Variants in PHF3 observed in about 807,000 individuals in gnomAD.
The protein encoded by PHF3 is PHD finger protein 3.
Under a neutral mutation model 178.4 loss-of-function variants are expected in PHF3, and 41 were observed. The ratio of observed to expected loss-of-function variants is 0.23; its 90% CI spans 0.18 to 0.30. PHF3 has a LOEUF of 0.30. Among genes scored for constraint, PHF3 ranks in the 10% least tolerant of loss-of-function variants. The probability of loss-of-function intolerance (pLI) is 1.00; values close to 1 mark genes in which losing one functional copy is unlikely to be tolerated. For missense variants in PHF3, 2,346 were observed against 2,398.1 expected (o/e 0.98, Z 0.45); for synonymous variants, 842 against 800.5 (o/e 1.05, Z -0.88).
chr6:63,684,383 T>G lies in PHF3; in HGVS notation c.661T>G (p.Ser221Ala). The change falls in exon 4 of 16, where the codon TCA becomes GCA. Residue 221 changes from serine to alanine, a missense_variant. Ser to Ala is a moderately conservative substitution (Grantham distance 99). This residue lies in a region of PHF3 where 843 missense variants were observed against 795.2 expected (regional missense o/e 1.06). Coordinates refer to ENST00000262043, the MANE Select transcript of PHF3 (RefSeq NM_001370348.2). ...PEVSVSSSHS[S>A]VSSCLEMKDE... ...AGTATCAGTGTCTTCAAGTCATTCT[T>G]CAGTGTCATCTTGTCTTGAAATGAA... is the stretch of plus-strand genomic sequence containing the variant. 1 of 1,614,034 alleles carries G rather than the reference T, an allele frequency of 6.2e-7. No individual in the cohort carries two copies. Among genetic ancestry groups the G allele is most frequent in the Non-Finnish European group, 8.5e-7 (1 of 1,179,888 alleles).
chr6:63,658,706 TTTTGTGTGTGTGTGTGTGTG>T (rs1765339083), intron 2 of PHF3, among the ~76,000 whole-genome samples: 2 of 119,548 alleles, frequency 1.7e-5, no homozygotes, highest in African/African-American at 3.4e-5. Flanking sequence ...AACCAATAGA[TTTTGTGTGTGTGTGTGTGTG>T]TGTGTGTGTG....
In PHF3 at chr6:63,685,697, G is replaced by T; in HGVS notation, c.1975G>T (p.Asp659Tyr). ...HPGVEHFKEEDKLKLKKPEKN... is the reference protein window; with the variant it reads ...HPGVEHFKEEYKLKLKKPEKN... ...AGGCGTTGAGCATTTTAAGGAAGAG[G>T]ATAAACTGAAACTGAAAAAACCTGA... Residue 659 changes from aspartate (D) to tyrosine (Y), a missense_variant, in exon 4 of 16, where the codon GAT (aspartate) becomes TAT (tyrosine). Physicochemically the swap from Asp to Tyr is radical, Grantham distance 160. Transcript: ENST00000262043. 1 of 1,614,000 alleles carries T rather than the reference G, an allele frequency of 6.2e-7. No homozygotes were observed.
chr6:63,711,416 C>T, intron 15 of PHF3, 54 bp downstream of exon 15: 3 of 1,460,034 alleles, frequency 2.1e-6, no homozygotes, highest in Non-Finnish European at 2.8e-6. Flanking sequence ...GGAGGTGGGA[C>T]CAGAGTGAAA....
chr6:63,711,896 A>C lies in PHF3; in HGVS notation c.4308A>C (p.Pro1436=), dbSNP rs1767943187. Residue 1436 remains proline, a synonymous_variant, in exon 16 of 16, where the codon CCA becomes CCC. Transcript: ENST00000262043. The part of the protein sequence containing the change: ...EPLMEVTKQE[P]PKPLRFLPGV... ...TAATGGAAGTCACCAAACAGGAGCC[A>C]CCAAAACCTTTAAGATTTCTTCCTG... 1.2e-6 allele frequency: 2 copies of C among 1,614,054 alleles called. No homozygotes were observed. Among genetic ancestry groups the C allele is most frequent in the Non-Finnish European group, 1.7e-6 (2 of 1,179,944 alleles).
chr6:63,696,134 C>T (rs1767219119), intron 6 of PHF3, among the ~76,000 whole-genome samples: 1 of 152,156 alleles, frequency 6.6e-6, no homozygotes, highest in Admixed American at 6.5e-5. Context: ...GGATGCTCCA[C>T]TGGTAAGTAC....
chr6:63,666,754 CCTT>C (rs933563589), intron 2 of PHF3, among the ~76,000 whole-genome samples: 8 of 151,344 alleles, frequency 5.3e-5, no homozygotes, highest in Non-Finnish European at 7.4e-5. Context: ...TTGTCCCCCT[CCTT>C]TTTTTTTTTT....
chr6:63,715,069 AT>A lies in PHF3; in HGVS notation c.*1363del, dbSNP rs1487255134. 2 of 152,152 alleles carry A rather than the reference AT, an allele frequency of 1.3e-5. No individual in the cohort carries two copies. Among genetic ancestry groups the A allele is most frequent in the East Asian group, 3.8e-4 (2 of 5,198 alleles). 9.4% of individuals were successfully genotyped at this position (152,152 alleles called of 1,614,324 possible). On this transcript the variant is annotated 3_prime_UTR_variant, in exon 16 of 16. Transcript: ENST00000262043. The stretch of plus-strand genomic sequence containing the variant: ...GTATTAATGAAGAAAAATATAAATA[AT>A]TCCACAAAATTGATTGTTTTCCTAA...
intron 11 of PHF3, among the ~76,000 whole-genome samples, chr6:63,705,230 G>T (rs1456494002): frequency 6.6e-6 from 1 of 152,160 alleles, no homozygotes; most frequent in Non-Finnish European, 1.5e-5. Context: ...CCTGTTTTAG[G>T]TTCTAGTAAT....
chr6:63,696,899 A>G (rs1767252566), intron 6 of PHF3, among the ~76,000 whole-genome samples: 1 of 152,190 alleles, frequency 6.6e-6, no homozygotes, highest in Non-Finnish European at 1.5e-5. Context: ...GAATGAATGG[A>G]AGAGTGAGGA....
In PHF3 at chr6:63,714,551, CAT is replaced by C. The variant is rs1460056762; in HGVS notation, c.*847_*848del. The C allele has an allele frequency of 6.6e-6, 1 of 152,364 alleles. No individual in the cohort carries two copies. The highest frequency in any genetic ancestry group is 2.4e-5 in the African/African-American group (1 of 41,374). 9.4% of individuals were successfully genotyped at this position (152,364 alleles called of 1,614,324 possible). A position where few individuals can be genotyped will look rare whatever the true frequency, so the allele number is the denominator to read the frequency against. On this transcript the variant is annotated 3_prime_UTR_variant, in exon 16 of 16. Coordinates refer to ENST00000262043, the MANE Select transcript of PHF3 (RefSeq NM_001370348.2). ...TGATTTTTTGTTACTCAGCCAAGAACATATAGAAATAGCTATCTATGTCAGGC... is the reference window on the plus strand; with the variant it reads ...TGATTTTTTGTTACTCAGCCAAGAACATAGAAATAGCTATCTATGTCAGGC...
At position 63,714,281 on chromosome 6, in the gene PHF3, C is replaced by T. The variant is rs1050512; in HGVS notation, c.*573C>T. ...TGCACTCATTGAAGTCATTTATTACCATATACTACAGCTTTGTGGTAGGCC... is the reference window on the plus strand; with the variant it reads ...TGCACTCATTGAAGTCATTTATTACTATATACTACAGCTTTGTGGTAGGCC... On this transcript the variant is annotated 3_prime_UTR_variant, in exon 16 of 16. Transcript: ENST00000262043. 6.6e-6 allele frequency: 1 copy of T among 152,560 alleles called. No homozygotes were observed. Among genetic ancestry groups the T allele is most frequent in the African/African-American group, 2.4e-5 (1 of 41,442 alleles). 9.5% of individuals were successfully genotyped at this position (152,560 alleles called of 1,614,324 possible).
chr6:63,662,084 G>T (rs1166489552), intron 2 of PHF3, among the ~76,000 whole-genome samples: 1 of 152,066 alleles, frequency 6.6e-6, no homozygotes, highest in African/African-American at 2.4e-5. Context: ...TGCATGTGAG[G>T]GATCTAGGTT....
rs1582143399 is a variant in PHF3 at position 63,724,114 on chromosome 6, C to T, written c.*10406C>T. On this transcript the variant is annotated 3_prime_UTR_variant, in exon 16 of 16. Coordinates refer to ENST00000262043, the MANE Select transcript of PHF3 (RefSeq NM_001370348.2). ...ATGCCACTGCACCTGGCCTTGGATTCGCATTAGAGTAAGAAAATGTAATGA... is the reference window on the plus strand; with the variant it reads ...ATGCCACTGCACCTGGCCTTGGATTTGCATTAGAGTAAGAAAATGTAATGA... Among the ~76,000 whole-genome samples the T allele has an allele frequency of 6.6e-6, 1 of 152,048 alleles. No homozygotes were observed. Among genetic ancestry groups the T allele is most frequent in the Admixed American group, 6.6e-5 (1 of 15,260 alleles).
chr6:63,702,339 C>T (rs1767511120), intron 9 of PHF3, 169 bp from the exon 10 acceptor site: 2 of 403,032 alleles, frequency 5.0e-6, no homozygotes, highest in African/African-American at 4.0e-5. Flanking sequence ...AAAACTGTCT[C>T]TGGCATATAA....
At chr6:63,652,170 G>A (rs1341303792) in intron 2 of PHF3, among the ~76,000 whole-genome samples, 1 of 152,068 alleles carries the variant, frequency 6.6e-6, no homozygotes, top group Non-Finnish European at 1.5e-5. Context: ...GTGTGTAAGA[G>A]TTCCCCTTTC....
chr6:63,668,547 G>T (rs1385206473), intron 2 of PHF3, among the ~76,000 whole-genome samples: 1 of 151,936 alleles, frequency 6.6e-6, no homozygotes, highest in Non-Finnish European at 1.5e-5. Context: ...TCTCCATGTT[G>T]CCCAGGCTAG....
chr6:63,677,377 G>A (rs904793487), intron 2 of PHF3, among the ~76,000 whole-genome samples: 1 of 152,104 alleles, frequency 6.6e-6, no homozygotes, highest in African/African-American at 2.4e-5. Context: ...AAAGGCTGTT[G>A]ACAAGTGGCT....
At position 63,653,054 on chromosome 6, in the gene PHF3, T is replaced by G. The variant is rs111995328; in HGVS notation, c.244+6259T>G. Among the ~76,000 whole-genome samples, 1,459 of 151,170 alleles carry G rather than the reference T, an allele frequency of 9.7e-3. 13 individuals carry two copies. The highest frequency in any genetic ancestry group is 0.017 in the African/African-American group (701 of 41,210). ...TTTTTGTGGTTCTGTGTATTTTTTTTTGTGTGTGTGGTTTTGGGGATTTTT... is the reference window on the plus strand; with the variant it reads ...TTTTTGTGGTTCTGTGTATTTTTTTGTGTGTGTGTGGTTTTGGGGATTTTT... On this transcript the variant is annotated intron_variant, in intron 2 of 15. Coordinates refer to ENST00000262043, the MANE Select transcript of PHF3 (RefSeq NM_001370348.2).
intron 2 of PHF3, chr6:63,678,744 C>T (rs866462826): frequency 2.4e-6 from 1 of 424,810 alleles, no homozygotes. Flanking sequence ...TTTCATGATT[C>T]TGTTTGTTGT....
Sources: allele counts gnomAD v4.1 joint callset (sites outside exome capture counted in the v4.1 genomes callset), GRCh38; gene constraint gnomAD v4.1.1; regional missense constraint gnomAD v4.1.1; transcripts MANE v1.5; gene names NCBI Gene and HGNC (gene_info 2026-07-23, HGNC 2026-07-21).